The following KCNAB1 variants were observed in gnomAD, a reference collection of about 807,000 sequenced individuals.
The protein encoded by KCNAB1 is potassium voltage-gated channel subfamily A regulatory beta subunit 1, also known as voltage-gated potassium channel subunit beta-1.
Under a neutral mutation model 64.6 loss-of-function variants are expected in KCNAB1, and 35 were observed. That is an observed-to-expected ratio of 0.54 (90% CI 0.41 to 0.72). The LOEUF (loss-of-function observed/expected upper bound fraction) is 0.72, where lower values mean the gene tolerates loss of function less well. KCNAB1 is among the 30% of genes least tolerant of loss of function. The pLI, the probability that KCNAB1 is intolerant of heterozygous loss-of-function variation, is 0.00. For missense variants in KCNAB1, 401 were observed against 512.9 expected, an observed-to-expected ratio of 0.78 and a Z score of 2.11; for synonymous variants, 177 against 183.8, an observed-to-expected ratio of 0.96 and a Z score of 0.30.
At chr3:156,488,042 C>T (rs1715338307) in intron 8 of KCNAB1, among the ~76,000 whole-genome samples, 1 of 152,080 alleles carries the variant, frequency 6.6e-6, no homozygotes, top group African/African-American at 2.4e-5. Context: ...ATATAGTACT[C>T]AGATGACCCA....
intron 1 of KCNAB1, among the ~76,000 whole-genome samples, chr3:156,394,043 A>G (rs1357600025): frequency 6.6e-6 from 1 of 152,224 alleles, no homozygotes; most frequent in African/African-American, 2.4e-5. Flanking sequence ...TTCTCTACAA[A>G]GTCACTTAAC....
rs547118636 is a variant in KCNAB1 at position 156,198,059 on chromosome 3, C to T, written c.275+77173C>T. 7.2e-5 allele frequency among the ~76,000 whole-genome samples: 11 copies of T among 152,278 alleles called. No homozygotes were observed. The South Asian group carries it at 1.9e-3, about 26-fold the overall frequency. ...TTTTGTTATTTACCCAGTAGTCATT[C>T]AGGAGCAGGTTGTTCGGTTTCCATG... On this transcript the variant is annotated intron_variant, in intron 1 of 13. Transcript: ENST00000490337.
intron 1 of KCNAB1, among the ~76,000 whole-genome samples, chr3:156,181,395 G>A (rs1234529355): frequency 6.6e-6 from 1 of 152,160 alleles, no homozygotes; most frequent in Non-Finnish European, 1.5e-5. Context: ...AGAGTCCCGA[G>A]TGCCAGGGTG....
intron 1 of KCNAB1, among the ~76,000 whole-genome samples, chr3:156,189,645 A>G (rs1282245551): frequency 6.6e-6 from 1 of 152,188 alleles, no homozygotes; most frequent in African/African-American, 2.4e-5. Context: ...CTAATATGAC[A>G]GTGTGGTTAA....
chr3:156,441,126 A>G (rs901135656), intron 2 of KCNAB1: 1 of 152,140 alleles, frequency 6.6e-6, no homozygotes, highest in African/African-American at 2.4e-5. Context: ...ACAACGTATT[A>G]TCTTGTTTTC....
chr3:156,478,370 T>C (rs1053646456), intron 8 of KCNAB1, among the ~76,000 whole-genome samples: 6 of 152,182 alleles, frequency 3.9e-5, no homozygotes, highest in African/African-American at 1.4e-4. Flanking sequence ...ATCATTTTTA[T>C]TGATTTCAAC....
At chr3:156,327,789 T>G (rs752210911) in intron 1 of KCNAB1, among the ~76,000 whole-genome samples, 1 of 152,144 alleles carries the variant, frequency 6.6e-6, no homozygotes, top group Non-Finnish European at 1.5e-5. Flanking sequence ...TTTCAGGAGA[T>G]GATTAAGACA....
intron 1 of KCNAB1, among the ~76,000 whole-genome samples, chr3:156,387,808 G>A (rs974106725): frequency 1.3e-5 from 2 of 152,192 alleles, no homozygotes; most frequent in African/African-American, 2.4e-5. Flanking sequence ...CACTCTTGGA[G>A]ATGTGTGCAG....
chr3:156,134,354 C>T (rs1714177998), intron 1 of KCNAB1, among the ~76,000 whole-genome samples: 1 of 152,100 alleles, frequency 6.6e-6, no homozygotes, highest in South Asian at 2.1e-4. Flanking sequence ...AGGATGCCTG[C>T]CTCTGATAGT....
chr3:156,346,311 G>A (rs1218456745), intron 1 of KCNAB1, among the ~76,000 whole-genome samples: 1 of 152,132 alleles, frequency 6.6e-6, no homozygotes, highest in Non-Finnish European at 1.5e-5. Flanking sequence ...TTGTATGTAT[G>A]AAGTACTGAT....
intron 1 of KCNAB1, among the ~76,000 whole-genome samples, chr3:156,408,613 C>T (rs1394233558): frequency 1.3e-5 from 2 of 152,064 alleles, no homozygotes; most frequent in African/African-American, 4.8e-5. Context: ...AACCCCTTCT[C>T]AGCTAAAAAT....
intron 1 of KCNAB1, among the ~76,000 whole-genome samples, chr3:156,349,050 C>T (rs1227579727): frequency 6.6e-6 from 1 of 152,206 alleles, no homozygotes; most frequent in East Asian, 1.9e-4. Context: ...GCAGGAGCTA[C>T]TGTTTCCCCT....
chr3:156,226,962 A>T (rs1207623977), intron 1 of KCNAB1, among the ~76,000 whole-genome samples: 2 of 152,234 alleles, frequency 1.3e-5, no homozygotes, highest in East Asian at 3.8e-4. Context: ...ATAAACATTT[A>T]CTAAAAGTAA....
chr3:156,129,183 G>A lies in KCNAB1; in HGVS notation c.275+8297G>A, dbSNP rs1189388190. 2.6e-5 allele frequency among the ~76,000 whole-genome samples: 4 copies of A among 152,118 alleles called. No individual in the cohort carries two copies. In the East Asian group the frequency reaches 7.7e-4, roughly 29 times the overall value. On this transcript the variant is annotated intron_variant, in intron 1 of 13. Transcript: ENST00000490337. Reference sequence around the variant, plus strand: ...TTTTTTTTCTTCTTTTCCCATTAAGGGGATGAAATATTCCCTGAGCTACCT... The same window carrying A: ...TTTTTTTTCTTCTTTTCCCATTAAGAGGATGAAATATTCCCTGAGCTACCT...
At chr3:156,476,385 G>A (rs771713022) in intron 8 of KCNAB1, among the ~76,000 whole-genome samples, 1 of 152,040 alleles carries the variant, frequency 6.6e-6, no homozygotes, top group African/African-American at 2.4e-5. Flanking sequence ...ATATCGGTGA[G>A]AACACACAAC....
At chr3:156,469,952 G>A (rs1315577239) in intron 7 of KCNAB1, among the ~76,000 whole-genome samples, 4 of 152,168 alleles carry the variant, frequency 2.6e-5, no homozygotes, top group Non-Finnish European at 4.4e-5. Flanking sequence ...GACCTCACTC[G>A]ACATTGGAGA....
chr3:156,130,001 A>C (rs1200967400), intron 1 of KCNAB1, among the ~76,000 whole-genome samples: 1 of 152,210 alleles, frequency 6.6e-6, no homozygotes, highest in African/African-American at 2.4e-5. Flanking sequence ...CTCTGGAATA[A>C]AAAGGCCTAG....
At chr3:156,295,628 C>T (rs776166147) in intron 1 of KCNAB1, among the ~76,000 whole-genome samples, 1 of 152,200 alleles carries the variant, frequency 6.6e-6, no homozygotes, top group Admixed American at 6.5e-5. Flanking sequence ...AAGCTACTGT[C>T]AGCCCAAGAG....
chr3:156,331,019 G>A (rs141507947), intron 1 of KCNAB1, among the ~76,000 whole-genome samples: 221 of 152,230 alleles, frequency 1.5e-3, no homozygotes, highest in African/African-American at 5.1e-3. Context: ...CATCCTGAGC[G>A]TAGCCATCAC....
Sources: gnomAD v4.1 joint callset for allele counts (sites outside exome capture counted in the v4.1 genomes callset) on GRCh38, gnomAD v4.1.1 for gene constraint, MANE v1.5 for transcripts, NCBI Gene and HGNC (gene_info 2026-07-23, HGNC 2026-07-21) for gene names.